The following HIVEP3 variants were observed in gnomAD, a reference collection of about 807,000 sequenced individuals.
HIVEP3 encodes the protein transcription factor HIVEP3.
HIVEP3 carries 49 observed loss-of-function variants against 152.8 expected under a neutral mutation model. The ratio of observed to expected loss-of-function variants is 0.32; its 90% CI spans 0.26 to 0.41. The LOEUF is 0.41. Among genes scored for constraint, HIVEP3 ranks in the 10% least tolerant of loss-of-function variants. The probability of loss-of-function intolerance (pLI) is 1.00; values close to 1 mark genes in which losing one functional copy is unlikely to be tolerated. For missense variants in HIVEP3, 2,790 were observed against 3,103.3 expected (o/e 0.90, Z 2.40); for synonymous variants, 1,269 against 1,289.0 (o/e 0.98, Z 0.33).
intron 2 of HIVEP3, among the ~76,000 whole-genome samples, chr1:41,669,091 T>C (rs1645837252): frequency 2.0e-5 from 3 of 152,150 alleles, no homozygotes; most frequent in African/African-American, 7.2e-5. Flanking sequence ...CTCTGAGAGC[T>C]GTCTTCCCCA....
chr1:41,697,794 G>A (rs947497755), intron 2 of HIVEP3, among the ~76,000 whole-genome samples: 4 of 152,190 alleles, frequency 2.6e-5, no homozygotes, highest in South Asian at 2.1e-4. Flanking sequence ...AGGCATTTGT[G>A]CATTCTTATT....
chr1:41,861,889 A>G (rs925378439), intron 1 of HIVEP3, among the ~76,000 whole-genome samples: 5 of 152,208 alleles, frequency 3.3e-5, no homozygotes, highest in Admixed American at 3.3e-4. Flanking sequence ...AAGCTTTTAC[A>G]GTGTAGACCA....
At chr1:41,715,960 G>T (rs1040671767) in intron 1 of HIVEP3, among the ~76,000 whole-genome samples, 1 of 152,248 alleles carries the variant, frequency 6.6e-6, no homozygotes, top group African/African-American at 2.4e-5. Context: ...GAAGTGGACG[G>T]TGGGGCCCCG....
intron 2 of HIVEP3, among the ~76,000 whole-genome samples, chr1:41,655,722 GC>G (rs1280923576): frequency 1.3e-5 from 2 of 151,506 alleles, no homozygotes; most frequent in Non-Finnish European, 2.9e-5. Flanking sequence ...ATTCCCTATT[GC>G]CGTGTTCCTT....
At chr1:42,008,255 T>C (rs1645472460) in intron 1 of HIVEP3, among the ~76,000 whole-genome samples, 1 of 152,160 alleles carries the variant, frequency 6.6e-6, no homozygotes, top group Non-Finnish European at 1.5e-5. Flanking sequence ...GAAGATCAAG[T>C]GGACTCTCTG....
intron 1 of HIVEP3, among the ~76,000 whole-genome samples, chr1:41,758,405 T>C (rs1647455710): frequency 6.6e-6 from 1 of 152,188 alleles, no homozygotes; most frequent in Non-Finnish European, 1.5e-5. Context: ...GACAGAAACC[T>C]GCAGACACAT....
At chr1:41,991,612 A>C (rs1409387489) in intron 1 of HIVEP3, among the ~76,000 whole-genome samples, 3 of 151,190 alleles carry the variant, frequency 2.0e-5, no homozygotes, top group African/African-American at 7.3e-5. Flanking sequence ...TATTCCAATC[A>C]ATAGAAAAAG....
intron 3 of HIVEP3, among the ~76,000 whole-genome samples, chr1:41,591,050 T>C (rs957440780): frequency 6.6e-6 from 1 of 152,212 alleles, no homozygotes; most frequent in African/African-American, 2.4e-5. Flanking sequence ...GCACCTGACA[T>C]ATAGTAAGCA....
In HIVEP3 at chr1:41,750,641, C is replaced by A. The variant is rs577477686; in HGVS notation, c.-800-49646G>T. Among the ~76,000 whole-genome samples, 3 of 152,164 alleles carry A rather than the reference C, an allele frequency of 2.0e-5. No homozygotes were observed. In the East Asian group the frequency reaches 5.8e-4, roughly 29 times the overall value. Reference sequence around the variant, plus strand: ...CTGCAGTTACCAAACCACTCAAGACCCTTGAAAATCTCTGTAGATTGGGCA... The same window carrying A: ...CTGCAGTTACCAAACCACTCAAGACACTTGAAAATCTCTGTAGATTGGGCA... On this transcript the variant is annotated intron_variant, in intron 1 of 8. Coordinates refer to ENST00000372583, the MANE Select transcript of HIVEP3 (RefSeq NM_024503.5).
Position 41,579,646 on chromosome 1 carries a change from T to C in HIVEP3, c.5061+91A>G, listed in dbSNP as rs575674364. The C allele has an allele frequency of 1.7e-5, 24 of 1,441,928 alleles. No individual in the cohort carries two copies. The Admixed American group carries it at 4.2e-4, about 25-fold the overall frequency. 89.3% of individuals were successfully genotyped at this position (1,441,928 alleles called of 1,614,324 possible). Reference sequence around the variant, plus strand: ...CTGACTACTAGTCTGGCTCTAGTTCTGCAACTGGAACCTGAGGATACTGTG... The same window carrying C: ...CTGACTACTAGTCTGGCTCTAGTTCCGCAACTGGAACCTGAGGATACTGTG... On this transcript the variant is annotated intron_variant, in intron 4 of 8. Transcript: ENST00000372583.
Position 41,558,614 on chromosome 1 carries a change from C to T in HIVEP3, c.5207+16930G>A, listed in dbSNP as rs116771911. Among the ~76,000 whole-genome samples the T allele has an allele frequency of 2.7e-3, 407 of 152,318 alleles. 3 individuals are homozygous for T. The highest frequency in any genetic ancestry group is 9.5e-3 in the African/African-American group (394 of 41,576). On this transcript the variant is annotated intron_variant, in intron 5 of 8. Transcript: ENST00000372583. ...TGGGGGAACATGGCCCCTGAAGACT[C>T]CACCCTGGGATTCAGGCTGAATAAT...
chr1:41,771,530 T>C (rs1389658165), intron 1 of HIVEP3, among the ~76,000 whole-genome samples: 1 of 152,170 alleles, frequency 6.6e-6, no homozygotes, highest in Non-Finnish European at 1.5e-5. Context: ...CCCGCGTGTC[T>C]ACCCCTCCTT....
At chr1:41,888,003 C>T (rs1275342919) in intron 1 of HIVEP3, among the ~76,000 whole-genome samples, 1 of 151,816 alleles carries the variant, frequency 6.6e-6, no homozygotes, top group Non-Finnish European at 1.5e-5. Flanking sequence ...CCATCACACC[C>T]CCACCCCAGG....
chr1:41,583,636 T>C lies in HIVEP3; in HGVS notation c.1162A>G (p.Ser388Gly). 6.2e-7 allele frequency: 1 copy of C among 1,614,168 alleles called. No homozygotes were observed. The highest frequency in any genetic ancestry group is 8.5e-7 in the Non-Finnish European group (1 of 1,180,012). ...CGAGAGAAATACCCAGACTCAGTAC[T>C]CCCTTTGCTGCCTGGGCTCAGAAAC... Reference protein sequence around the residue: ...QAFLSPGSKGSTESGYFSRSE... With the variant: ...QAFLSPGSKGGTESGYFSRSE... Residue 388 changes from serine (S) to glycine (G), a missense_variant, in exon 4 of 9, where the codon AGT becomes GGT. Physicochemically the swap from Ser to Gly is moderately conservative, Grantham distance 56 (BLOSUM62 0). This residue lies in a region of HIVEP3 where 134 missense variants were observed against 242.5 expected (regional missense o/e 0.55). Coordinates refer to ENST00000372583, the MANE Select transcript of HIVEP3 (RefSeq NM_024503.5). This position sits in a 1 kb window ranked among gnomAD's most constrained non-coding sequence, Gnocchi z 6.9.
chr1:42,032,486 T>C (rs1645618542), intron 1 of HIVEP3, among the ~76,000 whole-genome samples: 1 of 152,216 alleles, frequency 6.6e-6, no homozygotes, highest in South Asian at 2.1e-4. Context: ...TGGTACACTC[T>C]CTTCTTAAGA....
intron 1 of HIVEP3, among the ~76,000 whole-genome samples, chr1:41,713,168 C>A (rs1294469636): frequency 6.6e-6 from 1 of 152,200 alleles, no homozygotes; most frequent in African/African-American, 2.4e-5. Flanking sequence ...GGCACGGACA[C>A]CTTCCCCTCT....
chr1:41,810,397 A>G (rs1177658936), intron 1 of HIVEP3, among the ~76,000 whole-genome samples: 1 of 152,212 alleles, frequency 6.6e-6, no homozygotes, highest in Non-Finnish European at 1.5e-5. Context: ...GATGAGTGCA[A>G]TGATCTCTCC....
chr1:41,875,204 A>G (rs2786482), intron 1 of HIVEP3, among the ~76,000 whole-genome samples: 119,457 of 152,220 alleles, frequency 0.78, 47,240 homozygotes, highest in East Asian at 1. Context: ...TCAGCCTTTA[A>G]GGCTCTACTG....
At chr1:41,659,132 C>G (rs34674061) in intron 2 of HIVEP3, among the ~76,000 whole-genome samples, 5,494 of 152,302 alleles carry the variant, frequency 0.036, 158 homozygotes, top group East Asian at 0.092. Flanking sequence ...CAAGTATGGC[C>G]TCTTCCTGGT....
Sources: gnomAD v4.1 joint callset for allele counts (sites outside exome capture counted in the v4.1 genomes callset) on GRCh38, gnomAD v4.1.1 for gene constraint, gnomAD v4.1.1 regional missense constraint, Gnocchi (gnomAD v3.1) non-coding constraint, MANE v1.5 for transcripts, NCBI Gene and HGNC (gene_info 2026-07-23, HGNC 2026-07-21) for gene names.